Variants in SDK1 observed in about 807,000 individuals in gnomAD.
SDK1 encodes protein sidekick-1.
A neutral mutation model predicts 245.5 loss-of-function variants in SDK1; 157 were observed. The observed-to-expected ratio is 0.64, with a 90% CI of 0.56 to 0.73. The LOEUF (loss-of-function observed/expected upper bound fraction) is 0.73, where lower values mean the gene tolerates loss of function less well. Among genes scored for constraint, SDK1 ranks in the 30% least tolerant of loss-of-function variants. The probability of loss-of-function intolerance (pLI) is 0.00; values close to 1 mark genes in which losing one functional copy is unlikely to be tolerated. For missense variants in SDK1, 3,583 were observed against 3,002.3 expected (o/e 1.19, Z -4.52); for synonymous variants, 1,647 against 1,278.5 (o/e 1.29, Z -6.15).
intron 1 of SDK1, among the ~76,000 whole-genome samples, chr7:3,478,005 A>G (rs1781398994): frequency 1.3e-5 from 2 of 152,138 alleles, no homozygotes; most frequent in Admixed American, 1.3e-4. Context: ...ATTGAATTAT[A>G]TCCTTCCTAT....
intron 4 of SDK1, among the ~76,000 whole-genome samples, chr7:3,725,900 C>G (rs1446951936): frequency 6.6e-6 from 1 of 152,184 alleles, no homozygotes; most frequent in African/African-American, 2.4e-5. Flanking sequence ...TCAATTGATT[C>G]TGGGTTAAAA....
chr7:3,471,328 A>G (rs1205198413), intron 1 of SDK1, among the ~76,000 whole-genome samples: 1 of 152,168 alleles, frequency 6.6e-6, no homozygotes, highest in Non-Finnish European at 1.5e-5. Context: ...TTTTACCATG[A>G]TATAAAGCTG....
chr7:3,840,465 C>T (rs147016039), intron 5 of SDK1, among the ~76,000 whole-genome samples: 8 of 152,246 alleles, frequency 5.3e-5, no homozygotes, highest in South Asian at 2.1e-4. Context: ...TGTGAATTAT[C>T]GGACTAAACT....
At chr7:3,743,557 C>T (rs895678449) in intron 4 of SDK1, among the ~76,000 whole-genome samples, 2 of 152,136 alleles carry the variant, frequency 1.3e-5, no homozygotes. Context: ...TCTACTTTAC[C>T]AGAATGGGTG....
intron 4 of SDK1, among the ~76,000 whole-genome samples, chr7:3,799,806 C>G (rs1281151274): frequency 6.6e-6 from 1 of 151,658 alleles, no homozygotes; most frequent in East Asian, 1.9e-4. Flanking sequence ...CCTCCAAATG[C>G]TAAATTTGGA....
chr7:4,174,394 G>A lies in SDK1; in HGVS notation c.4936+37G>A, dbSNP rs139804359. On this transcript the variant is annotated intron_variant, in intron 33 of 44. Coordinates refer to ENST00000404826, the MANE Select transcript of SDK1 (RefSeq NM_152744.4). ...CCCTCTGTCCTGGTACAGGGAGGGA[G>A]GTTCCCAGGGGACCCTTGGTATCTG... 961 of 1,607,196 alleles carry A rather than the reference G, an allele frequency of 6.0e-4. 5 individuals carry two copies. In the African/African-American group the frequency reaches 0.012, roughly 20 times the overall value.
intron 1 of SDK1, among the ~76,000 whole-genome samples, chr7:3,525,026 A>T (rs1783074394): frequency 6.6e-6 from 1 of 152,216 alleles, no homozygotes; most frequent in African/African-American, 2.4e-5. Context: ...ACAACAATAG[A>T]AATAATACAA....
chr7:3,775,469 G>C (rs934342606), intron 4 of SDK1, among the ~76,000 whole-genome samples: 3 of 151,452 alleles, frequency 2.0e-5, no homozygotes, highest in South Asian at 4.2e-4. Context: ...TCCCAGACCA[G>C]ATGTATCTCC....
At chr7:3,828,335 TAGA>T (rs778903380) in intron 5 of SDK1, among the ~76,000 whole-genome samples, 17 of 151,936 alleles carry the variant, frequency 1.1e-4, no homozygotes, top group Non-Finnish European at 1.9e-4. Context: ...GCATATAACT[TAGA>T]AGGAATTTAA....
chr7:3,586,940 T>C (rs1308312799), intron 1 of SDK1, among the ~76,000 whole-genome samples: 1 of 152,004 alleles, frequency 6.6e-6, no homozygotes, highest in Non-Finnish European at 1.5e-5. Flanking sequence ...TTGGTAAGCG[T>C]TGAGAGTGCA....
chr7:3,757,625 G>A (rs918531133), intron 4 of SDK1, among the ~76,000 whole-genome samples: 1 of 152,152 alleles, frequency 6.6e-6, no homozygotes, highest in Non-Finnish European at 1.5e-5. Context: ...GGGCAGGTGT[G>A]GGGGAGGGTG....
intron 5 of SDK1, among the ~76,000 whole-genome samples, chr7:3,911,732 T>G (rs1398538751): frequency 6.6e-6 from 1 of 152,122 alleles, no homozygotes; most frequent in Non-Finnish European, 1.5e-5. Context: ...TAGTTCTGTA[T>G]TAGGTGTTGG....
chr7:3,427,572 G>C (rs997567888), intron 1 of SDK1, among the ~76,000 whole-genome samples: 3 of 151,324 alleles, frequency 2.0e-5, no homozygotes, highest in African/African-American at 7.3e-5. Context: ...AACTTATCAG[G>C]AGTAGTTTGA....
At chr7:3,948,460 C>T (rs1052502820) in intron 5 of SDK1, among the ~76,000 whole-genome samples, 1 of 152,086 alleles carries the variant, frequency 6.6e-6, no homozygotes, top group Admixed American at 6.5e-5. Flanking sequence ...GATGGGGTTT[C>T]ACCGTGTTAG....
chr7:3,795,819 C>T (rs139355013), intron 4 of SDK1, among the ~76,000 whole-genome samples: 5 of 152,204 alleles, frequency 3.3e-5, no homozygotes, highest in East Asian at 3.9e-4. Flanking sequence ...TATTCTACTT[C>T]GAGTCAAGTA....
chr7:3,376,839 CT>C (rs1479507017), intron 1 of SDK1, among the ~76,000 whole-genome samples: 1 of 152,036 alleles, frequency 6.6e-6, no homozygotes, highest in Non-Finnish European at 1.5e-5. Context: ...AATTTTCTTC[CT>C]TTTTCTTTTC....
In SDK1 at chr7:3,776,122, G is replaced by T. The variant is rs148868679; in HGVS notation, c.714-45328G>T. Among the ~76,000 whole-genome samples, 3 of 152,342 alleles carry T rather than the reference G, an allele frequency of 2.0e-5. No homozygotes were observed. In the East Asian group the frequency reaches 5.8e-4, roughly 29 times the overall value. ...AATATGATAGCAACTCATGTATGCT[G>T]TGTGATCAGTAACTATCTGTTGAAT... On this transcript the variant is annotated intron_variant, in intron 4 of 44. Coordinates refer to ENST00000404826, the MANE Select transcript of SDK1 (RefSeq NM_152744.4).
intron 14 of SDK1, among the ~76,000 whole-genome samples, chr7:3,998,863 G>A (rs1281455584): frequency 6.6e-6 from 1 of 152,158 alleles, no homozygotes; most frequent in Non-Finnish European, 1.5e-5. Flanking sequence ...GTGAATGTGG[G>A]AGCTTCCTTT....
At chr7:4,216,369 C>G (rs1240733477) in intron 38 of SDK1, among the ~76,000 whole-genome samples, 10 of 152,222 alleles carry the variant, frequency 6.6e-5, no homozygotes, top group South Asian at 2.1e-4. Flanking sequence ...TGCTCCCACT[C>G]TCACCCGGAG....
Sources: allele counts gnomAD v4.1 joint callset (sites outside exome capture counted in the v4.1 genomes callset), GRCh38; gene constraint gnomAD v4.1.1; transcripts MANE v1.5; gene names NCBI Gene and HGNC (gene_info 2026-07-23, HGNC 2026-07-21).